Variants in HS6ST3 observed in about 807,000 individuals in gnomAD.
HS6ST3 encodes heparan-sulfate 6-O-sulfotransferase 3.
A neutral mutation model predicts 36.7 loss-of-function variants in HS6ST3; 12 were observed. The observed-to-expected ratio is 0.33, with a 90% CI of 0.21 to 0.53. The LOEUF (loss-of-function observed/expected upper bound fraction) is 0.53, where lower values mean the gene tolerates loss of function less well. Ranked by LOEUF, HS6ST3 falls within the 20% of genes least tolerant of loss-of-function variation. HS6ST3 has a pLI of 0.95. For synonymous variants in HS6ST3, 240 were observed against 257.5 expected (o/e 0.93, Z 0.65); for missense variants, 584 against 640.9 (o/e 0.91, Z 0.96).
rs887266270 is a variant in HS6ST3, at chr13:96,413,939, G to C, written c.707+322370G>C. ...TTGTTAGCACTTAGGTTTCAATTCTGAATGCATTTCATGTTTGCAATTATG... is the reference window on the plus strand; with the variant it reads ...TTGTTAGCACTTAGGTTTCAATTCTCAATGCATTTCATGTTTGCAATTATG... On this transcript the variant is annotated intron_variant, in intron 1 of 1. Coordinates refer to ENST00000376705, the MANE Select transcript of HS6ST3 (RefSeq NM_153456.4). Among the ~76,000 whole-genome samples the C allele has an allele frequency of 5.3e-5, 8 of 152,198 alleles. No individual in the cohort carries two copies. The East Asian group carries it at 1.5e-3, about 29-fold the overall frequency.
At chr13:96,101,443 T>A (rs2053818037) in intron 1 of HS6ST3, among the ~76,000 whole-genome samples, 1 of 152,054 alleles carries the variant, frequency 6.6e-6, no homozygotes, top group South Asian at 2.1e-4. Context: ...ATTTCCGCAT[T>A]TATTTTGGGG....
At chr13:96,412,848 T>A (rs1033733780) in intron 1 of HS6ST3, among the ~76,000 whole-genome samples, 1 of 149,764 alleles carries the variant, frequency 6.7e-6, no homozygotes, top group African/African-American at 2.4e-5. Flanking sequence ...ATATTATATA[T>A]ATATATTTAT....
Position 96,091,419 on chromosome 13 carries a change from G to C in HS6ST3, c.557G>C (p.Cys186Ser). The C allele has an allele frequency of 6.2e-7, 1 of 1,612,972 alleles. No homozygotes were observed. The highest frequency in any genetic ancestry group is 8.5e-7 in the Non-Finnish European group (1 of 1,179,660). Residue 186 changes from cysteine (C) to serine (S), a missense_variant, in exon 1 of 2, where the codon TGC (cysteine) becomes TCC (serine). By Grantham distance (112) the Cys-to-Ser change is moderately radical. Transcript: ENST00000376705. ...AAAGCGGGTCAGAAGAAGTGCACCT[G>C]CCACCGGCCTGGCAAGAAGGAGACG... The part of the protein sequence containing the change: ...SCKAGQKKCT[C>S]HRPGKKETWL...
chr13:96,162,079 C>T (rs2054138203), intron 1 of HS6ST3, among the ~76,000 whole-genome samples: 1 of 152,126 alleles, frequency 6.6e-6, no homozygotes, highest in African/African-American at 2.4e-5. Context: ...AAAAACATAG[C>T]TGATAGGCTG....
chr13:96,749,359 CAT>C (rs1167638452), intron 1 of HS6ST3, among the ~76,000 whole-genome samples: 2 of 152,246 alleles, frequency 1.3e-5, no homozygotes, highest in African/African-American at 2.4e-5. Context: ...TTTAATTACA[CAT>C]ATCTCTCTAT....
intron 1 of HS6ST3, among the ~76,000 whole-genome samples, chr13:96,324,679 A>G (rs1342562385): frequency 6.6e-6 from 1 of 152,210 alleles, no homozygotes; most frequent in Non-Finnish European, 1.5e-5. Flanking sequence ...TGGTATCTTT[A>G]TGAAAATGGA....
rs1178931383 is a variant in HS6ST3 at position 96,532,850 on chromosome 13, C to T, written c.708-299640C>T. Among the ~76,000 whole-genome samples, 3 of 152,100 alleles carry T rather than the reference C, an allele frequency of 2.0e-5. No homozygotes were observed. The East Asian group carries it at 5.8e-4, about 29-fold the overall frequency. The stretch of plus-strand genomic sequence containing the variant: ...GGACCTTTCCTAATAGTACTAGGGA[C>T]CCAATTGTCTACTTAAACCACTGAT... On this transcript the variant is annotated intron_variant, in intron 1 of 1. Coordinates refer to ENST00000376705, the MANE Select transcript of HS6ST3 (RefSeq NM_153456.4).
chr13:96,160,027 A>G (rs1341641990), intron 1 of HS6ST3, among the ~76,000 whole-genome samples: 1 of 152,224 alleles, frequency 6.6e-6, no homozygotes, highest in Non-Finnish European at 1.5e-5. Context: ...TAATATTTTT[A>G]TGAAGATGAA....
At chr13:96,509,704 C>T (rs143268764) in intron 1 of HS6ST3, among the ~76,000 whole-genome samples, 2,638 of 152,110 alleles carry the variant, frequency 0.017, 31 homozygotes, top group Non-Finnish European at 0.025. Context: ...TTGGTGTATG[C>T]GACTACTTTT....
At chr13:96,765,060 C>CTTTTTTTTTTTTTTTTTTTTT (rs11423735) in intron 1 of HS6ST3, among the ~76,000 whole-genome samples, 2 of 93,910 alleles carry the variant, frequency 2.1e-5, no homozygotes, top group African/African-American at 8.6e-5. Context: ...TTGTTTCTTT[C>CTTTTTTTTTTTTTTTTTTTTT]TTTTTTTTTT....
chr13:96,706,410 ATT>A (rs1555319833), intron 1 of HS6ST3, among the ~76,000 whole-genome samples: 16 of 103,338 alleles, frequency 1.5e-4, no homozygotes, highest in Admixed American at 6.2e-4. Flanking sequence ...AATAGAATAT[ATT>A]TTATATATAT....
intron 1 of HS6ST3, among the ~76,000 whole-genome samples, chr13:96,121,034 G>A (rs1467117269): frequency 1.3e-5 from 2 of 152,150 alleles, no homozygotes; most frequent in African/African-American, 4.8e-5. Flanking sequence ...TGGGCACAAA[G>A]GTTTCATTTC....
At chr13:96,393,736 C>A (rs2055407441) in intron 1 of HS6ST3, among the ~76,000 whole-genome samples, 1 of 152,172 alleles carries the variant, frequency 6.6e-6, no homozygotes, top group South Asian at 2.1e-4. Context: ...GAGGCTGTGG[C>A]AAGGGAAGGG....
chr13:96,504,990 C>G (rs2056020614), intron 1 of HS6ST3, among the ~76,000 whole-genome samples: 1 of 152,124 alleles, frequency 6.6e-6, no homozygotes. Flanking sequence ...TGAGAAAATA[C>G]TGACCCAAAA....
intron 1 of HS6ST3, among the ~76,000 whole-genome samples, chr13:96,097,969 C>T (rs1189786392): frequency 6.6e-6 from 1 of 152,152 alleles, no homozygotes; most frequent in Non-Finnish European, 1.5e-5. Flanking sequence ...ATTTCAGGTG[C>T]AAATTCTGAT....
intron 1 of HS6ST3, among the ~76,000 whole-genome samples, chr13:96,155,623 T>A (rs1402481266): frequency 1.3e-5 from 2 of 152,226 alleles, no homozygotes; most frequent in African/African-American, 4.8e-5. Context: ...ATGGCAAGCA[T>A]TTTAAATAAT....
At position 96,090,900 on chromosome 13, in the gene HS6ST3, T is replaced by G. The variant is rs753305976; in HGVS notation, c.38T>G (p.Val13Gly). ...ERFNKWLLTP[V>G]LTLLFVVIMY... Reference sequence around the variant, plus strand: ...TTCAACAAGTGGCTGCTGACGCCGGTGCTCACTCTCCTCTTCGTGGTCATC... The same window carrying G: ...TTCAACAAGTGGCTGCTGACGCCGGGGCTCACTCTCCTCTTCGTGGTCATC... The change falls in exon 1 of 2, where the codon GTG (valine) becomes GGG (glycine). Residue 13 changes from valine to glycine, a missense_variant. Physicochemically the swap from Val to Gly is moderately radical, Grantham distance 109. This residue lies in a region of HS6ST3 where 217 missense variants were observed against 205.4 expected (regional missense o/e 1.06). Coordinates refer to ENST00000376705, the MANE Select transcript of HS6ST3 (RefSeq NM_153456.4). 1 of 1,514,028 alleles carries G rather than the reference T, an allele frequency of 6.6e-7. No individual in the cohort carries two copies. The highest frequency in any genetic ancestry group is 2.8e-5 in the East Asian group (1 of 35,120). The allele number at this position is 1,514,028 out of a possible 1,614,324, so 93.8% of individuals were successfully genotyped here.
chr13:96,446,166 C>T lies in HS6ST3; in HGVS notation c.707+354597C>T, dbSNP rs1355579572. Among the ~76,000 whole-genome samples the T allele has an allele frequency of 2.0e-5, 3 of 148,644 alleles. No homozygotes were observed. The East Asian group carries it at 6.0e-4, about 30-fold the overall frequency. ...CCAGCCTGGGCGACAGAGCAAGACT[C>T]CATCTCAAAAAAAAAAAAAAAGTTT... On this transcript the variant is annotated intron_variant, in intron 1 of 1. Coordinates refer to ENST00000376705, the MANE Select transcript of HS6ST3 (RefSeq NM_153456.4).
intron 1 of HS6ST3, among the ~76,000 whole-genome samples, chr13:96,173,828 TG>T (rs1159525420): frequency 1.5e-3 from 1 of 648 alleles, no homozygotes; most frequent in Non-Finnish European, 5.8e-3. Context: ...TTTCTCTTTG[TG>T]TGTGTGTGTG....
Sources: gnomAD v4.1 joint callset for allele counts (sites outside exome capture counted in the v4.1 genomes callset) on GRCh38, gnomAD v4.1.1 for gene constraint, gnomAD v4.1.1 regional missense constraint, MANE v1.5 for transcripts, NCBI Gene and HGNC (gene_info 2026-07-23, HGNC 2026-07-21) for gene names.